RGS6: variants seen among roughly 807,000 people sequenced by gnomAD.
RGS6 encodes regulator of G protein signaling 6, also known as regulator of G-protein signaling 6.
RGS6 carries 30 observed loss-of-function variants against 78.5 expected under a neutral mutation model. The ratio of observed to expected loss-of-function variants is 0.38; its 90% confidence interval spans 0.29 to 0.52. The LOEUF (loss-of-function observed/expected upper bound fraction) is 0.52. Among genes scored for constraint, RGS6 ranks in the 20% least tolerant of loss-of-function variants. The pLI is 0.85. For synonymous variants in RGS6, 206 were observed against 206.0 expected, an observed-to-expected ratio of 1.00 and a Z score of 0.00; for missense variants, 495 against 609.7, an observed-to-expected ratio of 0.81 and a Z score of 1.98.
At chr14:72,020,958 G>T (rs1303221184) in intron 2 of RGS6, among the ~76,000 whole-genome samples, 1 of 152,170 alleles carries the variant, frequency 6.6e-6, no homozygotes, top group African/African-American at 2.4e-5. Flanking sequence ...TGATAAGGGG[G>T]TATTTGAGAA....
At chr14:72,413,751 T>C (rs923326789) in intron 3 of RGS6, among the ~76,000 whole-genome samples, 10 of 152,218 alleles carry the variant, frequency 6.6e-5, no homozygotes, top group African/African-American at 2.4e-4. Context: ...GGAGCTCTTT[T>C]AGGGCAGGCC....
chr14:72,035,220 G>A (rs921542828), intron 2 of RGS6, among the ~76,000 whole-genome samples: 29 of 152,240 alleles, frequency 1.9e-4, no homozygotes, highest in African/African-American at 6.7e-4. Context: ...TTATGATTCA[G>A]TCTTGGTAGA....
At chr14:72,235,424 G>A (rs2050760717) in intron 2 of RGS6, among the ~76,000 whole-genome samples, 1 of 152,208 alleles carries the variant, frequency 6.6e-6, no homozygotes, top group Non-Finnish European at 1.5e-5. Context: ...GAATATGGAA[G>A]GCCTTTCTCT....
chr14:72,237,478 T>TTTTCTTCCTCATCTGTTCTCAGATGAGC (rs1436037355), intron 2 of RGS6, among the ~76,000 whole-genome samples: 1 of 152,116 alleles, frequency 6.6e-6, no homozygotes, highest in East Asian at 1.9e-4. Flanking sequence ...ACACCAGACG[T>TTTTCTTCCTCATCTGTTCTCAGATGAGC]TTTCTTCCTC....
At chr14:72,437,435 A>G (rs2153191846) in intron 3 of RGS6, among the ~76,000 whole-genome samples, 1 of 151,522 alleles carries the variant, frequency 6.6e-6, no homozygotes, top group Non-Finnish European at 1.5e-5. Context: ...TTCCTCATTC[A>G]GCTCTCTCCT....
At position 72,265,568 on chromosome 14, in the gene RGS6, C is replaced by T. The variant is rs569991644; in HGVS notation, c.85-86527C>T. 9.5e-4 allele frequency among the ~76,000 whole-genome samples: 145 copies of T among 152,110 alleles called. 2 individuals are homozygous for T. Among genetic ancestry groups the T allele is most frequent in the Middle Eastern group, 6.8e-3 (2 of 294 alleles). On this transcript the variant is annotated intron_variant, in intron 2 of 17. Coordinates refer to ENST00000553525, the MANE Select transcript of RGS6 (RefSeq NM_001204424.2). ...TGCTAGAGGTAGAGCTTGCAACCAC[C>T]CCCTTCCCATTAACTCTACCATCAC...
intron 3 of RGS6, among the ~76,000 whole-genome samples, chr14:72,387,960 T>C (rs1384743979): frequency 6.6e-6 from 1 of 152,132 alleles, no homozygotes; most frequent in Non-Finnish European, 1.5e-5. Context: ...AACTTCCTCT[T>C]CTTGTGGGGA....
At chr14:72,229,912 C>A (rs2158988) in intron 2 of RGS6, among the ~76,000 whole-genome samples, 48,748 of 152,146 alleles carry the variant, frequency 0.32, 8,826 homozygotes, top group South Asian at 0.47. Flanking sequence ...GCTTCTCCAC[C>A]ATCACTGCAA....
intron 13 of RGS6, among the ~76,000 whole-genome samples, chr14:72,500,492 T>A (rs2153425554): frequency 6.6e-6 from 1 of 152,354 alleles, no homozygotes; most frequent in South Asian, 2.1e-4. Flanking sequence ...TTCTCTCGGT[T>A]TCAGTTTAAT....
At chr14:72,098,732 C>T (rs190814111) in intron 2 of RGS6, among the ~76,000 whole-genome samples, 16 of 152,276 alleles carry the variant, frequency 1.1e-4, no homozygotes, top group South Asian at 8.3e-4. Flanking sequence ...GTAACTATTC[C>T]CTTCACACAG....
chr14:72,085,532 T>C (rs905338543), intron 2 of RGS6, among the ~76,000 whole-genome samples: 4 of 152,010 alleles, frequency 2.6e-5, no homozygotes, highest in Admixed American at 6.6e-5. Flanking sequence ...AGTGTAGAAA[T>C]TGGGGCTGTG....
chr14:72,568,727 G>A (rs753834732), downstream of RGS6, among the ~76,000 whole-genome samples: 7 of 152,248 alleles, frequency 4.6e-5, no homozygotes, highest in Non-Finnish European at 8.8e-5. Flanking sequence ...GGACCTCATG[G>A]CTACTTCCGT....
At chr14:72,249,404 T>C (rs952493021) in intron 2 of RGS6, among the ~76,000 whole-genome samples, 7 of 152,224 alleles carry the variant, frequency 4.6e-5, no homozygotes, top group African/African-American at 1.4e-4. Flanking sequence ...GGATGTCCTG[T>C]ATAGATGTAA....
intron 12 of RGS6, among the ~76,000 whole-genome samples, chr14:72,488,058 G>C (rs1415527755): frequency 6.6e-6 from 1 of 152,066 alleles, no homozygotes; most frequent in Non-Finnish European, 1.5e-5. Context: ...AAATATGTAT[G>C]CCCATCTAAT....
chr14:72,540,456 C>G (rs1440054436), intron 17 of RGS6: 117 of 1,516,080 alleles, frequency 7.7e-5, no homozygotes, highest in East Asian at 5.5e-4. Flanking sequence ...CGAACTATAC[C>G]GTGAAATAAA....
the RGS6 span, among the ~76,000 whole-genome samples, chr14:72,591,641 A>G: frequency 2.0e-5 from 3 of 152,304 alleles, no homozygotes; most frequent in African/African-American, 7.2e-5. Flanking sequence ...CAATCACAGC[A>G]TTTACCTGGT....
At chr14:71,870,780 C>G in the RGS6 span, among the ~76,000 whole-genome samples, 1 of 152,154 alleles carries the variant, frequency 6.6e-6, no homozygotes, top group African/African-American at 2.4e-5. Context: ...CTGCCAGGGT[C>G]TTTTCCCTCC....
chr14:71,915,946 A>C, the RGS6 span, among the ~76,000 whole-genome samples: 1 of 152,234 alleles, frequency 6.6e-6, no homozygotes, highest in African/African-American at 2.4e-5. Flanking sequence ...AGGCACAGCA[A>C]GAATGTGGCC....
At chr14:72,301,353 C>CACATA (rs568220614) in intron 2 of RGS6, among the ~76,000 whole-genome samples, 40 of 152,210 alleles carry the variant, frequency 2.6e-4, no homozygotes, top group African/African-American at 9.4e-4. Flanking sequence ...TCATTCTAGA[C>CACATA]TACTCCAGAC....
Sources: gnomAD v4.1 joint callset for allele counts (sites outside exome capture counted in the v4.1 genomes callset) on GRCh38, gnomAD v4.1.1 for gene constraint, MANE v1.5 for transcripts, NCBI Gene and HGNC (gene_info 2026-07-23, HGNC 2026-07-21) for gene names.